The following BRPF3 variants were observed in gnomAD, a reference collection of about 807,000 sequenced individuals.
BRPF3 encodes the protein bromodomain and PHD finger containing 3, also known as bromodomain and PHD finger-containing protein 3.
BRPF3 carries 18 observed loss-of-function variants against 102.0 expected under a neutral mutation model. The ratio of observed to expected loss-of-function variants is 0.18; its 90% CI spans 0.12 to 0.26. BRPF3 has a LOEUF of 0.26. BRPF3 is among the 10% of genes least tolerant of loss of function. The probability of loss-of-function intolerance (pLI) is 1.00; values close to 1 mark genes in which losing one functional copy is unlikely to be tolerated. For missense variants in BRPF3, 1,147 were observed against 1,567.8 expected, an observed-to-expected ratio of 0.73 and a Z score of 4.53; for synonymous variants, 570 against 614.2, an observed-to-expected ratio of 0.93 and a Z score of 1.06.
chr6:36,224,893 C>T (rs1022661096), intron 10 of BRPF3, among the ~76,000 whole-genome samples: 2 of 152,160 alleles, frequency 1.3e-5, no homozygotes, highest in African/African-American at 4.8e-5. Flanking sequence ...TATTTCATAA[C>T]ATGAAAATTA....
chr6:36,198,688 A>C (rs928883423), intron 1 of BRPF3, among the ~76,000 whole-genome samples: 1 of 152,220 alleles, frequency 6.6e-6, no homozygotes, highest in Non-Finnish European at 1.5e-5. Context: ...AGACCCTGCA[A>C]CCAAGGCGAT....
chr6:36,209,228 C>T (rs944672362), intron 4 of BRPF3, among the ~76,000 whole-genome samples: 1 of 152,058 alleles, frequency 6.6e-6, no homozygotes, highest in Non-Finnish European at 1.5e-5. Flanking sequence ...ATAATAATTT[C>T]TGTTTCAGGG....
At chr6:36,221,927 G>A (rs1338635335) in intron 9 of BRPF3, among the ~76,000 whole-genome samples, 1 of 152,182 alleles carries the variant, frequency 6.6e-6, no homozygotes, top group African/African-American at 2.4e-5. Flanking sequence ...GCAGGGAACT[G>A]AGCAACTCCT....
At chr6:36,221,633 A>G (rs1768546506) in intron 9 of BRPF3, among the ~76,000 whole-genome samples, 1 of 152,164 alleles carries the variant, frequency 6.6e-6, no homozygotes, top group South Asian at 2.1e-4. Flanking sequence ...GAAAAACTTC[A>G]CACATAAACC....
intron 9 of BRPF3, 22 bp downstream of exon 9, chr6:36,218,032 T>G (rs773503695): frequency 2.5e-6 from 4 of 1,599,666 alleles, no homozygotes; most frequent in Non-Finnish European, 1.7e-6. Context: ...TTCCCAAAGC[T>G]TTGTCAGCAG....
rs774598096 is a variant in BRPF3, at chr6:36,200,373, C to G, written c.51C>G (p.Ser17=). The G allele has an allele frequency of 6.2e-7, 1 of 1,614,184 alleles. No homozygotes were observed. The highest frequency in any genetic ancestry group is 2.2e-5 in the East Asian group (1 of 44,884). Residue 17 remains serine (S), a synonymous_variant, in exon 2 of 13, where the codon TCC becomes TCG. Coordinates refer to ENST00000357641, the MANE Select transcript of BRPF3 (RefSeq NM_015695.3). This position sits in a 1 kb window ranked among gnomAD's most constrained non-coding sequence, Gnocchi z 5.3. ...KSRQNAEGRR[S]PSPYSLKCSP... is the part of the protein sequence containing the mutation. ...GGCAGAATGCCGAGGGCCGGCGTTC[C>G]CCGTCCCCCTACAGTCTCAAGTGCT...
At chr6:36,207,100 C>T (rs1276913365) in intron 3 of BRPF3, among the ~76,000 whole-genome samples, 1 of 152,080 alleles carries the variant, frequency 6.6e-6, no homozygotes, top group Non-Finnish European at 1.5e-5. Flanking sequence ...CCTACTCCAG[C>T]AAAGGTTATT....
Position 36,198,926 on chromosome 6 carries a change from G to C in BRPF3, c.-26-1371G>C, listed in dbSNP as rs1281998677. 2.6e-5 allele frequency among the ~76,000 whole-genome samples: 4 copies of C among 152,188 alleles called. No homozygotes were observed. In the South Asian group the frequency reaches 8.3e-4, roughly 31 times the overall value. On this transcript the variant is annotated intron_variant, in intron 1 of 12. Transcript: ENST00000357641. The stretch of plus-strand genomic sequence containing the variant: ...TGAGTGTTCTGGGAGAGACTTTTGA[G>C]GTAACAGAATGCATTGAGAGTTTAC...
At chr6:36,221,661 G>C (rs1250322511) in intron 9 of BRPF3, among the ~76,000 whole-genome samples, 1 of 152,066 alleles carries the variant, frequency 6.6e-6, no homozygotes, top group Non-Finnish European at 1.5e-5. Context: ...AGTGAGAAGT[G>C]CATTTTTTTT....
In BRPF3 at chr6:36,225,673, C is replaced by T. The variant is rs777848008; in HGVS notation, c.3279+309C>T. ...TTTAAAGCTACTGATAATGCTTAGA[C>T]GTTTTATTAAATATTTGTCATGCTA... On this transcript the variant is annotated intron_variant, in intron 11 of 12. Coordinates refer to ENST00000357641, the MANE Select transcript of BRPF3 (RefSeq NM_015695.3). Among the ~76,000 whole-genome samples, 69 of 152,228 alleles carry T rather than the reference C, an allele frequency of 4.5e-4. 1 individual carries two copies. The highest frequency in any genetic ancestry group is 9.8e-4 in the Admixed American group (15 of 15,298).
At chr6:36,224,361 G>A (rs1044033292) in intron 10 of BRPF3, among the ~76,000 whole-genome samples, 6 of 152,058 alleles carry the variant, frequency 3.9e-5, no homozygotes, top group African/African-American at 9.7e-5. Flanking sequence ...GTTCTTCTGT[G>A]TGTTCAGAAG....
In BRPF3 at chr6:36,214,204, A is replaced by G. The variant is rs765713237; in HGVS notation, c.2807A>G (p.Asn936Ser). The G allele has an allele frequency of 1.2e-6, 2 of 1,614,024 alleles. No homozygotes were observed. The highest frequency in any genetic ancestry group is 2.7e-5 in the African/African-American group (2 of 74,918). Residue 936 changes from asparagine to serine, a missense_variant, in exon 8 of 13, where the codon AAT (asparagine) becomes AGT (serine). This residue lies in a region of BRPF3 where 379 missense variants were observed against 426.3 expected (regional missense o/e 0.89). Transcript: ENST00000357641. ...TCAGTCCTCTTCAAGAAGGCCAAGA[A>G]TGGGGTTAAGCTACAGAGAAGCCCA... ...RTSVLFKKAKNGVKLQRSPDR... is the reference protein window; with the variant it reads ...RTSVLFKKAKSGVKLQRSPDR...
chr6:36,215,441 C>G (rs549405464), intron 8 of BRPF3, among the ~76,000 whole-genome samples: 1 of 152,320 alleles, frequency 6.6e-6, no homozygotes, highest in South Asian at 2.1e-4. Flanking sequence ...CCAGCAGGAG[C>G]TAGTCATGAG....
At position 36,207,415 on chromosome 6, in the gene BRPF3, C is replaced by A. The variant is rs761546570; in HGVS notation, c.1708C>A (p.Arg570=). 1.2e-6 allele frequency: 2 copies of A among 1,613,992 alleles called. No homozygotes were observed. The highest frequency in any genetic ancestry group is 2.2e-5 in the East Asian group (1 of 44,878). The change falls in exon 4 of 13, where the codon CGG becomes AGG. Residue 570 remains arginine, a synonymous_variant. Coordinates refer to ENST00000357641, the MANE Select transcript of BRPF3 (RefSeq NM_015695.3). ...ERARLLIELI[R]KREKLKREQV... is the part of the protein sequence containing the mutation. The stretch of plus-strand genomic sequence containing the variant: ...GGCGCGGCTGCTGATTGAGCTGATT[C>A]GGAAGAGAGAGAAGCTCAAACGAGA...
rs753515438 is a variant in BRPF3, at chr6:36,207,316, G to C, written c.1609G>C (p.Glu537Gln). The C allele has an allele frequency of 2.5e-6, 4 of 1,613,642 alleles. No individual in the cohort carries two copies. Among genetic ancestry groups the C allele is most frequent in the Non-Finnish European group, 3.4e-6 (4 of 1,179,884 alleles). Residue 537 changes from glutamate (E) to glutamine (Q), a missense_variant, in exon 4 of 13, where the codon GAG (glutamate) becomes CAG (glutamine). By Grantham distance (29) the Glu-to-Gln change is conservative (BLOSUM62 2). Coordinates refer to ENST00000357641, the MANE Select transcript of BRPF3 (RefSeq NM_015695.3). The part of the protein sequence containing the change: ...LQSQRNAEQR[E>Q]QDEKTSAVKE... ...CCTCTTCTCTTCCCTCCTGTAGCGAGAGCAGGATGAGAAGACAAGTGCAGT... is the reference window on the plus strand; with the variant it reads ...CCTCTTCTCTTCCCTCCTGTAGCGACAGCAGGATGAGAAGACAAGTGCAGT...
At chr6:36,214,415 C>A in intron 8 of BRPF3, 29 bp downstream of exon 8, 1 of 1,521,424 alleles carries the variant, frequency 6.6e-7, no homozygotes. Context: ...TCTCTTGATA[C>A]TTCGCATCTG....
At position 36,200,005 on chromosome 6, in the gene BRPF3, G is replaced by A. The variant is rs1475864941; in HGVS notation, c.-26-292G>A. Among the ~76,000 whole-genome samples, 2 of 152,224 alleles carry A rather than the reference G, an allele frequency of 1.3e-5. No individual in the cohort carries two copies. The highest frequency in any genetic ancestry group is 4.8e-5 in the African/African-American group (2 of 41,466). ...TAAATTATGTAGCATGGTATAAGAT[G>A]ATGAATGTTAAAGGGAAAAATAAAG... On this transcript the variant is annotated intron_variant, in intron 1 of 12. Coordinates refer to ENST00000357641, the MANE Select transcript of BRPF3 (RefSeq NM_015695.3). The surrounding 1 kb of genome is among the most constrained non-coding windows in gnomAD (Gnocchi z 5.3).
At chr6:36,211,679 A>G in intron 7 of BRPF3, 119 bp downstream of exon 7, 1 of 1,250,238 alleles carries the variant, frequency 8.0e-7, no homozygotes, top group Non-Finnish European at 1.1e-6. Context: ...TGGGCAAGCA[A>G]AAGTGCTTGG....
intron 11 of BRPF3, 96 bp downstream of exon 11, chr6:36,225,460 A>T (rs1388974233): frequency 1.1e-5 from 12 of 1,131,394 alleles, no homozygotes; most frequent in Non-Finnish European, 1.4e-5. Flanking sequence ...TGGGAGTCAG[A>T]GTGTCTTTAG....
Sources: allele counts gnomAD v4.1 joint callset (sites outside exome capture counted in the v4.1 genomes callset), GRCh38; gene constraint gnomAD v4.1.1; regional missense constraint gnomAD v4.1.1; non-coding constraint Gnocchi (gnomAD v3.1); transcripts MANE v1.5; gene names NCBI Gene and HGNC (gene_info 2026-07-23, HGNC 2026-07-21).